Variants in DNAAF9 observed in about 807,000 individuals in gnomAD.
DNAAF9 encodes the protein dynein axonemal assembly factor 9.
DNAAF9 carries 90 observed loss-of-function variants against 167.0 expected under a neutral mutation model. The observed-to-expected ratio is 0.54, with a 90% confidence interval of 0.45 to 0.64. The LOEUF (loss-of-function observed/expected upper bound fraction) is 0.64. Among genes scored for constraint, DNAAF9 ranks in the 30% least tolerant of loss-of-function variants. The pLI is 0.00. For missense variants in DNAAF9, 1,315 were observed against 1,442.2 expected, an observed-to-expected ratio of 0.91 and a Z score of 1.43; for synonymous variants, 491 against 508.8, an observed-to-expected ratio of 0.96 and a Z score of 0.47.
intron 6 of DNAAF9, chr20:3,361,951 G>A (rs925221442): frequency 2.5e-5 from 39 of 1,534,764 alleles, no homozygotes; most frequent in Middle Eastern, 2.3e-4. Flanking sequence ...ATTAGGCGCC[G>A]AAACTCTTGC....
chr20:3,375,240 G>A, intron 4 of DNAAF9, 114 bp from the exon 5 acceptor site: 1 of 690,488 alleles, frequency 1.4e-6, no homozygotes. Context: ...ACAGAGGACT[G>A]CACCCAAGGA....
At chr20:3,360,158 T>A (rs1219262096) in intron 6 of DNAAF9, 1 of 152,236 alleles carries the variant, frequency 6.6e-6, no homozygotes, top group Non-Finnish European at 1.5e-5. Context: ...ATAATTTTTT[T>A]AAAAAAGAAG....
intron 24 of DNAAF9, 52 bp downstream of exon 24, chr20:3,294,476 G>T: frequency 7.7e-7 from 1 of 1,299,108 alleles, no homozygotes; most frequent in Non-Finnish European, 1.1e-6. Context: ...TGAGGTTTCC[G>T]ACATTTCAAA....
At position 3,376,036 on chromosome 20, in the gene DNAAF9, G is replaced by C. The variant is rs966723391; in HGVS notation, c.408+142C>G. ...ATAAGGTAGCCTCAAAACGAAATAT[G>C]AAATTCTCCACTTCAAACAGATAAT... On this transcript the variant is annotated intron_variant, in intron 4 of 36. Coordinates refer to ENST00000252032, the MANE Select transcript of DNAAF9 (RefSeq NM_001009984.3). The C allele has an allele frequency of 9.2e-6, 7 of 762,292 alleles. No individual in the cohort carries two copies. In the African/African-American group the frequency reaches 1.2e-4, roughly 14 times the overall value. 47.2% of individuals were successfully genotyped at this position (762,292 alleles called of 1,614,324 possible).
chr20:3,368,586 C>G (rs1229634537), intron 6 of DNAAF9, among the ~76,000 whole-genome samples: 1 of 149,510 alleles, frequency 6.7e-6, no homozygotes, highest in Non-Finnish European at 1.5e-5. Flanking sequence ...GATCTCAGCT[C>G]ACTGAAAGCT....
chr20:3,296,174 C>A, intron 23 of DNAAF9: 1 of 578,492 alleles, frequency 1.7e-6, no homozygotes, highest in South Asian at 1.4e-5. Flanking sequence ...ACCTGCTAAG[C>A]GGGAGGATAA....
chr20:3,349,437 T>G (rs1475935642), intron 7 of DNAAF9, among the ~76,000 whole-genome samples: 1 of 152,040 alleles, frequency 6.6e-6, no homozygotes, highest in East Asian at 1.9e-4. Context: ...AGCAACCCTG[T>G]TGGGAGGAAT....
intron 10 of DNAAF9, 53 bp downstream of exon 10, chr20:3,340,451 C>CCCCCCCCCA: frequency 1.3e-6 from 1 of 743,596 alleles, no homozygotes; most frequent in Non-Finnish European, 1.9e-6. Context: ...CCCACCCCAC[C>CCCCCCCCCA]CCCACAACTT....
At chr20:3,262,850 A>G (rs1321626282) in intron 31 of DNAAF9, among the ~76,000 whole-genome samples, 2 of 152,146 alleles carry the variant, frequency 1.3e-5, no homozygotes, top group Non-Finnish European at 2.9e-5. Flanking sequence ...CTCACTGTTT[A>G]AGTATGACAT....
intron 7 of DNAAF9, among the ~76,000 whole-genome samples, chr20:3,350,121 T>A (rs536964042): frequency 1.4e-5 from 2 of 147,698 alleles, no homozygotes; most frequent in East Asian, 2.0e-4. Context: ...GCCCAGACTA[T>A]CAGACACACA....
At chr20:3,330,491 C>T (rs913269127) in intron 12 of DNAAF9, among the ~76,000 whole-genome samples, 155 bp downstream of exon 12, 1 of 152,088 alleles carries the variant, frequency 6.6e-6, no homozygotes, top group East Asian at 1.9e-4. Flanking sequence ...ATCCTCCCAC[C>T]TCAGCTTCCG....
intron 9 of DNAAF9, among the ~76,000 whole-genome samples, chr20:3,343,424 G>T: frequency 6.6e-6 from 1 of 152,104 alleles, no homozygotes. Flanking sequence ...TGGGATTACA[G>T]GCATGAGCCA....
At chr20:3,375,552 AG>A (rs1334045065) in intron 4 of DNAAF9, among the ~76,000 whole-genome samples, 2 of 152,190 alleles carry the variant, frequency 1.3e-5, no homozygotes, top group African/African-American at 4.8e-5. Context: ...CAGGAATGTC[AG>A]AAAGCTTAAA....
chr20:3,332,542 C>T (rs1311932480), intron 10 of DNAAF9, among the ~76,000 whole-genome samples, 181 bp from the exon 11 acceptor site: 1 of 151,890 alleles, frequency 6.6e-6, no homozygotes, highest in Non-Finnish European at 1.5e-5. Flanking sequence ...CAACCTCCAC[C>T]TCCTGGGTTC....
chr20:3,268,510 G>A (rs1024654384), intron 30 of DNAAF9, among the ~76,000 whole-genome samples: 4 of 152,058 alleles, frequency 2.6e-5, no homozygotes, highest in African/African-American at 9.7e-5. Flanking sequence ...TGTATTTTTA[G>A]TAGAGACAGG....
At chr20:3,361,361 C>G (rs1221565125) in intron 6 of DNAAF9, among the ~76,000 whole-genome samples, 1 of 150,752 alleles carries the variant, frequency 6.6e-6, no homozygotes, top group East Asian at 1.9e-4. Flanking sequence ...TCATTTAAGA[C>G]TTAAACCAGG....
intron 7 of DNAAF9, among the ~76,000 whole-genome samples, chr20:3,355,814 A>G (rs1264503764): frequency 6.6e-6 from 1 of 152,118 alleles, no homozygotes; most frequent in East Asian, 1.9e-4. Context: ...ACTGGTATCA[A>G]TATTCATAAT....
At chr20:3,358,529 C>T (rs962817998) in intron 7 of DNAAF9, among the ~76,000 whole-genome samples, 1 of 152,190 alleles carries the variant, frequency 6.6e-6, no homozygotes, top group African/African-American at 2.4e-5. Context: ...GGTGATCCAC[C>T]TGCCTCAGCC....
rs1376871054 is a variant in DNAAF9 at position 3,332,900 on chromosome 20, G to GTGGTGTGT, written c.982-540_982-539insACACACCA. Among the ~76,000 whole-genome samples the GTGGTGTGT allele has an allele frequency of 1.8e-3, 267 of 146,932 alleles. 3 individuals are homozygous for GTGGTGTGT. The highest frequency in any genetic ancestry group is 1.1e-3 in the Non-Finnish European group (73 of 66,606). ...CATGCGTGTGTGCGTGTGTGCGTGT[G>GTGGTGTGT]GTGTGTGTGTGTGTGTGTGTGTGTG... On this transcript the variant is annotated intron_variant, in intron 10 of 36. Coordinates refer to ENST00000252032, the MANE Select transcript of DNAAF9 (RefSeq NM_001009984.3).
Sources: gnomAD v4.1 joint callset for allele counts (sites outside exome capture counted in the v4.1 genomes callset) on GRCh38, gnomAD v4.1.1 for gene constraint, MANE v1.5 for transcripts, NCBI Gene and HGNC (gene_info 2026-07-23, HGNC 2026-07-21) for gene names.